Variants in HMCN1 observed in about 807,000 individuals in gnomAD.
The protein encoded by HMCN1 is hemicentin 1.
A neutral mutation model predicts 625.9 loss-of-function variants in HMCN1; 321 were observed. That is an observed-to-expected ratio of 0.51 (90% CI 0.47 to 0.56). HMCN1 has a LOEUF of 0.56. Among genes scored for constraint, HMCN1 ranks in the 20% least tolerant of loss-of-function variants. The pLI, the probability that HMCN1 is intolerant of heterozygous loss-of-function variation, is 0.00. For missense variants in HMCN1, 6,588 were observed against 6,887.3 expected (o/e 0.96, Z 1.54); for synonymous variants, 2,425 against 2,417.6 (o/e 1.00, Z -0.09).
chr1:185,818,748 C>T (rs2102263204), intron 1 of HMCN1, among the ~76,000 whole-genome samples: 1 of 152,154 alleles, frequency 6.6e-6, no homozygotes, highest in South Asian at 2.1e-4. Context: ...TGAATGACAC[C>T]AGGCTACCAC....
chr1:186,038,658 C>T (rs956238501), intron 37 of HMCN1, among the ~76,000 whole-genome samples, 171 bp from the exon 38 acceptor site: 1 of 152,060 alleles, frequency 6.6e-6, no homozygotes, highest in Non-Finnish European at 1.5e-5. Flanking sequence ...TGGTGTTTTT[C>T]TAAGGGTTAC....
chr1:186,187,421 A>G (rs2102681955), intron 105 of HMCN1, among the ~76,000 whole-genome samples: 1 of 152,148 alleles, frequency 6.6e-6, no homozygotes, highest in South Asian at 2.1e-4. Context: ...CCTATTTTCC[A>G]CTCAACAATT....
intron 19 of HMCN1, among the ~76,000 whole-genome samples, chr1:185,986,842 A>T (rs1037102869): frequency 4.3e-4 from 64 of 149,972 alleles, no homozygotes; most frequent in African/African-American, 1.1e-3. Context: ...AAAAAAAAAA[A>T]AATTAATTAA....
At chr1:186,169,391 C>T (rs1030302431) in intron 100 of HMCN1, among the ~76,000 whole-genome samples, 2 of 152,130 alleles carry the variant, frequency 1.3e-5, no homozygotes, top group Admixed American at 1.3e-4. Context: ...CAAGACAATC[C>T]TAAGCAAAAA....
Position 185,902,417 on chromosome 1 carries a change from A to ATC in HMCN1, c.622-6918_622-6917dup, listed in dbSNP as rs1292489610. On this transcript the variant is annotated intron_variant, in intron 4 of 106. Transcript: ENST00000271588. Reference sequence around the variant, plus strand: ...TCTATCTATCTATCTCTATCTATCTATCTATCTATCTATCTATCTATCTAT... The same window carrying ATC: ...TCTATCTATCTATCTCTATCTATCTATCTCTATCTATCTATCTATCTATCTAT... Among the ~76,000 whole-genome samples the ATC allele has an allele frequency of 4.4e-3, 589 of 132,922 alleles. 6 individuals carry two copies. The highest frequency in any genetic ancestry group is 0.022 in the African/African-American group (562 of 25,176). The allele number at this position is 132,922 out of a possible 152,430, so 87.2% of individuals were successfully genotyped here.
chr1:185,894,443 A>G (rs1042259121), intron 4 of HMCN1, among the ~76,000 whole-genome samples: 3 of 152,220 alleles, frequency 2.0e-5, no homozygotes, highest in Non-Finnish European at 4.4e-5. Context: ...TGCAAATAGC[A>G]TTGTTCAGAA....
intron 41 of HMCN1, among the ~76,000 whole-genome samples, chr1:186,046,353 C>T (rs78569644): frequency 0.029 from 4,346 of 152,162 alleles, 195 homozygotes; most frequent in African/African-American, 0.092. Context: ...CCGGTAATCC[C>T]AGCTACTTGG....
chr1:186,074,583 A>C (rs1265355054), intron 52 of HMCN1, among the ~76,000 whole-genome samples, 158 bp from the exon 53 acceptor site: 1 of 152,206 alleles, frequency 6.6e-6, no homozygotes, highest in East Asian at 1.9e-4. Context: ...GAGTTTAATC[A>C]AAGTAAATCA....
intron 4 of HMCN1, among the ~76,000 whole-genome samples, chr1:185,867,059 T>C (rs545217335): frequency 1.2e-4 from 19 of 152,330 alleles, no homozygotes; most frequent in African/African-American, 4.1e-4. Context: ...AAAGAGTTCT[T>C]ATTATATCAA....
chr1:185,789,338 A>G (rs920977001), intron 1 of HMCN1, among the ~76,000 whole-genome samples: 2 of 152,232 alleles, frequency 1.3e-5, no homozygotes, highest in Non-Finnish European at 2.9e-5. Context: ...TAGGAATCAC[A>G]GAGACCCTGG....
At chr1:185,792,045 T>A (rs1273129491) in intron 1 of HMCN1, among the ~76,000 whole-genome samples, 1 of 152,002 alleles carries the variant, frequency 6.6e-6, no homozygotes, top group Non-Finnish European at 1.5e-5. Flanking sequence ...AGACAATAAA[T>A]CTTGCCCTCA....
At chr1:185,962,753 A>G (rs1186275440) in intron 12 of HMCN1, 94 bp downstream of exon 12, 5 of 796,988 alleles carry the variant, frequency 6.3e-6, no homozygotes, top group Non-Finnish European at 1.1e-5. Context: ...CCTAATATTA[A>G]GGGAGGTTTG....
At chr1:186,069,610 A>G in intron 50 of HMCN1, 53 bp from the exon 51 acceptor site, 1 of 1,105,636 alleles carries the variant, frequency 9.0e-7, no homozygotes. Context: ...GCCTGTGTGT[A>G]CTCCACTGTC....
chr1:186,180,172 T>C (rs1377182287), intron 104 of HMCN1, among the ~76,000 whole-genome samples: 1 of 152,194 alleles, frequency 6.6e-6, no homozygotes, highest in East Asian at 1.9e-4. Context: ...TAAACAACAC[T>C]GTCAATCTGC....
At chr1:186,093,441 A>G (rs761270783) in intron 65 of HMCN1, 45 bp from the exon 66 acceptor site, 10 of 1,599,036 alleles carry the variant, frequency 6.3e-6, no homozygotes, top group East Asian at 2.2e-5. Context: ...CTAGTATTAC[A>G]TAATACATCC....
intron 4 of HMCN1, among the ~76,000 whole-genome samples, chr1:185,881,242 G>A (rs1210429630): frequency 6.6e-6 from 1 of 152,240 alleles, no homozygotes; most frequent in African/African-American, 2.4e-5. Context: ...GAAGTTGCAT[G>A]AACGAAATGA....
intron 9 of HMCN1, among the ~76,000 whole-genome samples, chr1:185,928,062 C>A (rs1229659463): frequency 6.6e-6 from 1 of 151,828 alleles, no homozygotes; most frequent in Non-Finnish European, 1.5e-5. Context: ...TGATATATGG[C>A]CTTATATCTT....
intron 10 of HMCN1, among the ~76,000 whole-genome samples, chr1:185,929,251 A>G (rs1667425343): frequency 6.6e-6 from 1 of 152,162 alleles, no homozygotes; most frequent in Non-Finnish European, 1.5e-5. Context: ...CTAAGAACAC[A>G]GGACCTCAGT....
intron 36 of HMCN1, among the ~76,000 whole-genome samples, chr1:186,029,713 C>G (rs1186795912): frequency 2.6e-5 from 4 of 151,420 alleles, no homozygotes; most frequent in African/African-American, 7.3e-5. Context: ...CTGTTTTTCT[C>G]TTCTCTATTT....
Sources: allele counts gnomAD v4.1 joint callset (sites outside exome capture counted in the v4.1 genomes callset), GRCh38; gene constraint gnomAD v4.1.1; transcripts MANE v1.5; gene names NCBI Gene and HGNC (gene_info 2026-07-23, HGNC 2026-07-21).